The following ZPBP variants were observed in gnomAD, a reference collection of about 807,000 sequenced individuals.
ZPBP encodes the protein zona pellucida binding protein.
ZPBP carries 26 observed loss-of-function variants against 44.8 expected under a neutral mutation model. The observed-to-expected ratio is 0.58, with a 90% CI of 0.43 to 0.81. ZPBP has a LOEUF of 0.81. ZPBP is among the 30% of genes least tolerant of loss of function. ZPBP has a pLI of 0.00. For missense variants in ZPBP, 409 were observed against 434.0 expected, an observed-to-expected ratio of 0.94 and a Z score of 0.51; for synonymous variants, 174 against 153.2, an observed-to-expected ratio of 1.14 and a Z score of -1.00.
At chr7:49,954,111 T>C (rs1409882725) in intron 7 of ZPBP, among the ~76,000 whole-genome samples, 3 of 152,108 alleles carry the variant, frequency 2.0e-5, no homozygotes, top group East Asian at 3.8e-4. Flanking sequence ...CGACAGACTA[T>C]ATAGCCCAAT....
intron 1 of ZPBP, chr7:49,911,910 C>A: frequency 1.4e-6 from 1 of 700,772 alleles, no homozygotes; most frequent in Non-Finnish European, 2.0e-6. Context: ...AACAAACAAA[C>A]AAACAAATAC....
chr7:50,052,801 T>C (rs560846884), intron 4 of ZPBP, among the ~76,000 whole-genome samples: 34 of 152,050 alleles, frequency 2.2e-4, no homozygotes, highest in African/African-American at 8.0e-4. Context: ...GCACAAAGCT[T>C]ATAAAGGAAT....
intron 7 of ZPBP, among the ~76,000 whole-genome samples, chr7:49,973,169 TC>T (rs966436006): frequency 2.6e-5 from 4 of 151,664 alleles, no homozygotes; most frequent in African/African-American, 4.8e-5. Context: ...TGGCAACTAC[TC>T]CTTGGATATG....
intron 4 of ZPBP, among the ~76,000 whole-genome samples, chr7:50,053,143 ATATCT>A (rs1800772324): frequency 6.6e-6 from 1 of 152,188 alleles, no homozygotes; most frequent in Non-Finnish European, 1.5e-5. Flanking sequence ...AACAAAATCA[ATATCT>A]TAGCTTACAA....
At chr7:50,039,221 T>G (rs1799960135) in intron 4 of ZPBP, among the ~76,000 whole-genome samples, 1 of 151,936 alleles carries the variant, frequency 6.6e-6, no homozygotes, top group Non-Finnish European at 1.5e-5. Context: ...AAATAGAGAA[T>G]ATAAAGACTG....
chr7:49,981,585 TATTATATAATTATATAAATTATATA>T (rs1796947573), intron 7 of ZPBP, among the ~76,000 whole-genome samples: 1 of 61,702 alleles, frequency 1.6e-5, no homozygotes, highest in South Asian at 5.2e-4. Flanking sequence ...ATAAATTATA[TATTATATAATTATATAAATTATATA>T]ATTATATTAT....
At chr7:49,933,101 ATAT>A (rs1794502495), downstream of ZPBP, among the ~76,000 whole-genome samples, 1 of 152,184 alleles carries the variant, frequency 6.6e-6, no homozygotes, top group African/African-American at 2.4e-5. Flanking sequence ...AATGTATGAA[ATAT>A]TATAGTGATA....
intron 7 of ZPBP, chr7:49,940,636 G>T: frequency 2.7e-6 from 1 of 367,908 alleles, no homozygotes; most frequent in African/African-American, 2.3e-5. Context: ...TAGGTCTACA[G>T]CAATTAAGTT....
chr7:50,002,052 T>TGTATTA (rs1798123740), intron 6 of ZPBP, among the ~76,000 whole-genome samples: 1 of 152,094 alleles, frequency 6.6e-6, no homozygotes, highest in African/African-American at 2.4e-5. Flanking sequence ...GTAGAGACAG[T>TGTATTA]GTATTAGTCT....
At chr7:50,010,971 T>G (rs559116572) in intron 6 of ZPBP, among the ~76,000 whole-genome samples, 1 of 145,764 alleles carries the variant, frequency 6.9e-6, no homozygotes, top group Admixed American at 6.8e-5. Flanking sequence ...AACTATACTA[T>G]GAACTACAGT....
intron 2 of ZPBP, among the ~76,000 whole-genome samples, chr7:49,856,129 A>T (rs990436024): frequency 3.3e-5 from 5 of 152,168 alleles, no homozygotes; most frequent in African/African-American, 1.2e-4. Flanking sequence ...ACACGTAAAG[A>T]CAGGTGATAA....
At chr7:49,981,663 A>ATAT (rs1411860128) in intron 7 of ZPBP, among the ~76,000 whole-genome samples, 6,258 of 64,452 alleles carry the variant, frequency 0.097, 1,552 homozygotes, top group East Asian at 0.24. Flanking sequence ...GATATAAAAT[A>ATAT]TATATTATAT....
intron 6 of ZPBP, among the ~76,000 whole-genome samples, chr7:49,989,891 G>C (rs1243182163): frequency 1.3e-5 from 2 of 152,282 alleles, no homozygotes; most frequent in East Asian, 3.9e-4. Context: ...ACAAAGTCAA[G>C]ACCCATCACC....
intron 2 of ZPBP, among the ~76,000 whole-genome samples, chr7:49,880,356 T>C (rs1791610924): frequency 6.6e-6 from 1 of 152,028 alleles, no homozygotes; most frequent in Non-Finnish European, 1.5e-5. Context: ...AATTTTTATC[T>C]GAATTTATAG....
intron 6 of ZPBP, among the ~76,000 whole-genome samples, chr7:49,985,085 C>A (rs1797200285): frequency 6.6e-6 from 1 of 152,010 alleles, no homozygotes; most frequent in Non-Finnish European, 1.5e-5. Context: ...GTGAGTGCAC[C>A]CTGTGATGGA....
Position 49,983,532 on chromosome 7 carries a change from T to C in ZPBP, c.784-13A>G. On this transcript the variant is annotated splice_polypyrimidine_tract_variant and intron_variant, in intron 6 of 7. Transcript: ENST00000046087. ...TGAGATTTTTAGCCTAAAACATAAA[T>C]ACAATTTGATAAACTGTTAGCCATA... 2.0e-6 allele frequency: 3 copies of C among 1,481,850 alleles called. No individual in the cohort carries two copies. Among genetic ancestry groups the C allele is most frequent in the South Asian group, 2.4e-5 (2 of 84,582 alleles). The allele number at this position is 1,481,850 out of a possible 1,614,324, so 91.8% of individuals were successfully genotyped here. A position where few individuals can be genotyped will look rare whatever the true frequency, so the allele number is the denominator to read the frequency against.
At chr7:50,039,793 C>A (rs979879024) in intron 4 of ZPBP, among the ~76,000 whole-genome samples, 1 of 152,022 alleles carries the variant, frequency 6.6e-6, no homozygotes, top group Non-Finnish European at 1.5e-5. Context: ...AAAATAATAA[C>A]AAGGTATTGT....
At chr7:50,025,605 C>T (rs2128809150) in intron 5 of ZPBP, among the ~76,000 whole-genome samples, 1 of 151,784 alleles carries the variant, frequency 6.6e-6, no homozygotes, top group East Asian at 1.9e-4. Context: ...TAGACTTATA[C>T]CTTTCACCAA....
At chr7:49,969,657 A>T (rs1193818985) in intron 7 of ZPBP, among the ~76,000 whole-genome samples, 4 of 152,018 alleles carry the variant, frequency 2.6e-5, no homozygotes, top group African/African-American at 7.2e-5. Context: ...GGTTTCAGCC[A>T]ATCTCTCATA....
Sources: allele counts gnomAD v4.1 joint callset (sites outside exome capture counted in the v4.1 genomes callset), GRCh38; gene constraint gnomAD v4.1.1; transcripts MANE v1.5; gene names NCBI Gene and HGNC (gene_info 2026-07-23, HGNC 2026-07-21).